PHF11: variants seen among roughly 807,000 people sequenced by gnomAD.
The protein encoded by PHF11 is PHD finger protein 11.
Under a neutral mutation model 40.5 loss-of-function variants are expected in PHF11, and 38 were observed. That is an observed-to-expected ratio of 0.94 (90% confidence interval 0.72 to 1.23). The LOEUF (loss-of-function observed/expected upper bound fraction) is 1.23. Ranked by LOEUF, PHF11 falls within the 50% of genes most tolerant of loss-of-function variation. PHF11 has a pLI of 0.00. For missense variants in PHF11, 369 were observed against 392.4 expected, an observed-to-expected ratio of 0.94 and a Z score of 0.50; for synonymous variants, 127 against 138.2, an observed-to-expected ratio of 0.92 and a Z score of 0.57.
intron 8 of PHF11, among the ~76,000 whole-genome samples, chr13:49,525,052 C>A (rs7338494): frequency 0.59 from 89,487 of 152,038 alleles, 26,773 homozygotes; most frequent in East Asian, 0.8. Flanking sequence ...TTTTGGAATC[C>A]AATTCTATTC....
chr13:49,524,357 C>A, intron 8 of PHF11, 141 bp downstream of exon 8: 2 of 666,444 alleles, frequency 3.0e-6, no homozygotes, highest in Non-Finnish European at 5.0e-6. Context: ...GAAATGCTTA[C>A]TATTTATTTC....
At chr13:49,519,198 A>T (rs1355199536) in intron 4 of PHF11, among the ~76,000 whole-genome samples, 1 of 152,166 alleles carries the variant, frequency 6.6e-6, no homozygotes, top group African/African-American at 2.4e-5. Flanking sequence ...TCAGACATGA[A>T]ATGTGTAAAT....
At chr13:49,519,957 G>C (rs192744946) in intron 4 of PHF11, among the ~76,000 whole-genome samples, 1 of 152,294 alleles carries the variant, frequency 6.6e-6, no homozygotes, top group East Asian at 1.9e-4. Context: ...AGCGCCATCT[G>C]AAGAGGAAGG....
At chr13:49,515,592 A>G (rs1055034311) in intron 3 of PHF11, among the ~76,000 whole-genome samples, 2 of 151,220 alleles carry the variant, frequency 1.3e-5, no homozygotes, top group Non-Finnish European at 2.9e-5. Flanking sequence ...TTCCTCGTCA[A>G]CCTCCCAGCC....
chr13:49,526,318 A>ACAT, intron 8 of PHF11, 69 bp from the exon 9 acceptor site: 1 of 947,434 alleles, frequency 1.1e-6, no homozygotes. Flanking sequence ...GTTTTGGATT[A>ACAT]CATATATAAA....
chr13:49,524,224 TGAA>T lies in PHF11; in HGVS notation c.769+11_769+13del, dbSNP rs768468156. ...AGACTACTTCAGAATCAGGTACTGATGAAGAGCAATATTTCGAAGTATAGAGAC... is the reference window on the plus strand; with the variant it reads ...AGACTACTTCAGAATCAGGTACTGATGAGCAATATTTCGAAGTATAGAGAC... On this transcript the variant is annotated intron_variant, in intron 8 of 9. Transcript: ENST00000378319. 2.5e-6 allele frequency: 4 copies of T among 1,597,554 alleles called. No homozygotes were observed. Among genetic ancestry groups the T allele is most frequent in the Non-Finnish European group, 3.4e-6 (4 of 1,170,386 alleles).
At chr13:49,521,960 G>A (rs1387200992) in intron 5 of PHF11, 83 bp from the exon 6 acceptor site, 5 of 649,524 alleles carry the variant, frequency 7.7e-6, no homozygotes, top group Non-Finnish European at 1.4e-5. Flanking sequence ...AAAACTTTTG[G>A]CATATGAGTT....
chr13:49,514,488 C>CA (rs1405938310), intron 3 of PHF11, among the ~76,000 whole-genome samples: 1 of 152,290 alleles, frequency 6.6e-6, no homozygotes, highest in African/African-American at 2.4e-5. Flanking sequence ...CATGGTGCTG[C>CA]ATGCCTCTAA....
At chr13:49,519,240 T>C (rs1397340677) in intron 4 of PHF11, among the ~76,000 whole-genome samples, 1 of 152,206 alleles carries the variant, frequency 6.6e-6, no homozygotes, top group Non-Finnish European at 1.5e-5. Flanking sequence ...TCTTTTTATA[T>C]TTGATTCACT....
At chr13:49,513,951 G>T (rs1173599354) in intron 3 of PHF11, among the ~76,000 whole-genome samples, 1 of 152,102 alleles carries the variant, frequency 6.6e-6, no homozygotes, top group Non-Finnish European at 1.5e-5. Flanking sequence ...AAAGACAAAG[G>T]TCATCCATAC....
At position 49,506,788 on chromosome 13, in the gene PHF11, A is replaced by G. The variant is rs763327647; in HGVS notation, c.216+32A>G. The G allele has an allele frequency of 4.6e-6, 7 of 1,526,374 alleles. No individual in the cohort carries two copies. In the South Asian group the frequency reaches 6.8e-5, roughly 15 times the overall value. The allele number at this position is 1,526,374 out of a possible 1,614,324, so 94.6% of individuals were successfully genotyped here. A position where few individuals can be genotyped will look rare whatever the true frequency, so the allele number is the denominator to read the frequency against. On this transcript the variant is annotated intron_variant, in intron 2 of 9. Coordinates refer to ENST00000378319, the MANE Select transcript of PHF11 (RefSeq NM_001040443.3). ...TACTTGAAAACATACTTCAAAGTACATGAGTACTTTTAGTGTAGGACACAT... is the reference window on the plus strand; with the variant it reads ...TACTTGAAAACATACTTCAAAGTACGTGAGTACTTTTAGTGTAGGACACAT...
chr13:49,503,792 G>A (rs939747344), intron 1 of PHF11, among the ~76,000 whole-genome samples: 3 of 152,194 alleles, frequency 2.0e-5, no homozygotes, highest in African/African-American at 7.2e-5. Flanking sequence ...GAGTGCAGTG[G>A]CACAATTTCA....
At chr13:49,496,350 CG>C in intron 1 of PHF11, 1 of 1,109,364 alleles carries the variant, frequency 9.0e-7, no homozygotes, top group Non-Finnish European at 1.1e-6. Context: ...TGGTTTCGCG[CG>C]AGTGGTGGGC....
intron 1 of PHF11, 184 bp downstream of exon 1, chr13:49,496,279 G>A (rs886764292): frequency 8.8e-6 from 6 of 684,308 alleles, no homozygotes; most frequent in Non-Finnish European, 1.2e-5. Flanking sequence ...TGTTGGTGGG[G>A]GAGGGGGCCA....
chr13:49,509,605 G>A (rs571874870), intron 2 of PHF11, among the ~76,000 whole-genome samples: 2 of 152,286 alleles, frequency 1.3e-5, no homozygotes, highest in South Asian at 4.1e-4. Context: ...CGTGTCAAGG[G>A]TGGAGCCAGG....
intron 4 of PHF11, chr13:49,518,905 GGCTCACT>G (rs1310892924): frequency 8.8e-5 from 13 of 148,518 alleles, no homozygotes; most frequent in African/African-American, 3.0e-4. Flanking sequence ...GCGCGATCTC[GGCTCACT>G]GCAAGCTCCG....
At chr13:49,514,537 T>C (rs1789429163) in intron 3 of PHF11, among the ~76,000 whole-genome samples, 1 of 152,060 alleles carries the variant, frequency 6.6e-6, no homozygotes, top group Non-Finnish European at 1.5e-5. Context: ...TGAGGACTGC[T>C]TGAGCCCAGG....
chr13:49,500,518 T>C (rs1958885174), intron 1 of PHF11, among the ~76,000 whole-genome samples: 1 of 152,196 alleles, frequency 6.6e-6, no homozygotes, highest in African/African-American at 2.4e-5. Context: ...GAGAGATGCC[T>C]GTGTAAAAGT....
chr13:49,507,023 C>T (rs1340657892), intron 2 of PHF11, among the ~76,000 whole-genome samples: 1 of 150,988 alleles, frequency 6.6e-6, no homozygotes, highest in African/African-American at 2.4e-5. Flanking sequence ...CCTGCCTCAG[C>T]CTCCCGAGTA....
Sources: allele counts gnomAD v4.1 joint callset (sites outside exome capture counted in the v4.1 genomes callset), GRCh38; gene constraint gnomAD v4.1.1; transcripts MANE v1.5; gene names NCBI Gene and HGNC (gene_info 2026-07-23, HGNC 2026-07-21).